Variants in PPP2R1B observed in about 807,000 individuals in gnomAD.
PPP2R1B encodes the protein protein phosphatase 2 scaffold subunit Abeta.
A neutral mutation model predicts 72.7 loss-of-function variants in PPP2R1B; 58 were observed. The ratio of observed to expected loss-of-function variants is 0.80; its 90% CI spans 0.65 to 0.99. The LOEUF (loss-of-function observed/expected upper bound fraction) is 0.99, where lower values mean the gene tolerates loss of function less well. Among genes scored for constraint, PPP2R1B ranks in the 50% least tolerant of loss-of-function variants. The pLI is 0.00. For missense variants in PPP2R1B, 695 were observed against 733.6 expected, an observed-to-expected ratio of 0.95 and a Z score of 0.61; for synonymous variants, 256 against 264.6, an observed-to-expected ratio of 0.97 and a Z score of 0.32.
chr11:111,732,701 T>C (rs757048230), intron 15 of PPP2R1B, among the ~76,000 whole-genome samples: 16 of 151,900 alleles, frequency 1.1e-4, no homozygotes, highest in African/African-American at 2.9e-4. Flanking sequence ...AAAAAACAAA[T>C]AAACAAACAA....
intron 15 of PPP2R1B, chr11:111,729,005 A>G (rs1944088450): frequency 6.6e-6 from 1 of 152,034 alleles, no homozygotes; most frequent in Non-Finnish European, 1.5e-5. Flanking sequence ...AGTTTCTATC[A>G]TCTCCCTTCT....
chr11:111,688,872 A>G, the PPP2R1B span, among the ~76,000 whole-genome samples: 1 of 152,250 alleles, frequency 6.6e-6, no homozygotes, highest in African/African-American at 2.4e-5. The surrounding 1 kb of genome is among the most constrained non-coding windows in gnomAD (Gnocchi z 4.2). Flanking sequence ...CACCTTGAAT[A>G]TACACAATTT....
chr11:111,693,487 G>C, the PPP2R1B span, among the ~76,000 whole-genome samples: 1 of 152,228 alleles, frequency 6.6e-6, no homozygotes, highest in African/African-American at 2.4e-5. Flanking sequence ...GCTTTCAGTA[G>C]TTTTAGTAAT....
At chr11:111,759,129 C>T (rs940028170) in intron 5 of PPP2R1B, among the ~76,000 whole-genome samples, 1 of 152,174 alleles carries the variant, frequency 6.6e-6, no homozygotes, top group Non-Finnish European at 1.5e-5. Flanking sequence ...CACCTAGATT[C>T]AAATTCTGAC....
chr11:111,712,488 A>G, the PPP2R1B span: 7 of 1,114,044 alleles, frequency 6.3e-6, no homozygotes, highest in East Asian at 1.8e-4. Flanking sequence ...TAAGTCACTC[A>G]GGAGTGATGC....
At chr11:111,705,244 C>T in the PPP2R1B span, 5 of 1,206,630 alleles carry the variant, frequency 4.1e-6, no homozygotes, top group Admixed American at 4.0e-5. The surrounding 1 kb of genome is among the most constrained non-coding windows in gnomAD (Gnocchi z 4.3). Context: ...CTCTACACTC[C>T]GTTTTTCTGT....
At chr11:111,749,968 T>G (rs1944842339) in intron 10 of PPP2R1B, among the ~76,000 whole-genome samples, 2 of 152,178 alleles carry the variant, frequency 1.3e-5, no homozygotes, top group South Asian at 4.1e-4. Context: ...AGTTAATCAC[T>G]GCTCCTCTCC....
Position 111,740,660 on chromosome 11 carries a change from A to G in PPP2R1B, c.*936T>C, listed in dbSNP as rs1262923602. ...CCAGTATCACCCATACTAAAAACTT[A>G]GCAATAAAACTGCAGTTTGAAAAGC... On this transcript the variant is annotated 3_prime_UTR_variant, in exon 15 of 15. Coordinates refer to ENST00000527614, the MANE Select transcript of PPP2R1B (RefSeq NM_002716.5). The G allele has an allele frequency of 2.0e-6, 2 of 985,236 alleles. No homozygotes were observed. Among genetic ancestry groups the G allele is most frequent in the Admixed American group, 1.2e-4 (2 of 16,264 alleles). 61.0% of individuals were successfully genotyped at this position (985,236 alleles called of 1,614,324 possible).
chr11:111,758,725 T>C (rs1945220121), intron 5 of PPP2R1B, among the ~76,000 whole-genome samples: 1 of 152,146 alleles, frequency 6.6e-6, no homozygotes, highest in Admixed American at 6.6e-5. Flanking sequence ...TGAAAGGGAA[T>C]CCATGGAGGG....
intron 11 of PPP2R1B, among the ~76,000 whole-genome samples, chr11:111,744,598 G>T (rs975579920): frequency 2.6e-5 from 4 of 152,074 alleles, no homozygotes; most frequent in Admixed American, 6.6e-5. Context: ...CAAAATTTGG[G>T]CTCAGATTAA....
downstream of PPP2R1B, chr11:111,723,991 C>G (rs1423850663): frequency 6.2e-7 from 1 of 1,614,214 alleles, no homozygotes; most frequent in Admixed American, 1.7e-5. Flanking sequence ...CGGGGCCAGA[C>G]TGTCCCAGAA....
At chr11:111,730,424 G>A (rs1050302151) in intron 15 of PPP2R1B, 1 of 152,160 alleles carries the variant, frequency 6.6e-6, no homozygotes, top group Non-Finnish European at 1.5e-5. Flanking sequence ...GCTTCACTTC[G>A]GGGACTGCAG....
intron 11 of PPP2R1B, among the ~76,000 whole-genome samples, chr11:111,747,702 GA>G (rs1331958286): frequency 6.6e-6 from 1 of 152,216 alleles, no homozygotes; most frequent in Non-Finnish European, 1.5e-5. Flanking sequence ...GAGATGGTCT[GA>G]AGATAATGTA....
chr11:111,706,778 G>A, the PPP2R1B span, among the ~76,000 whole-genome samples: 1 of 151,916 alleles, frequency 6.6e-6, no homozygotes, highest in African/African-American at 2.4e-5. Flanking sequence ...TGGCCAACAT[G>A]GTGAAACCCC....
At chr11:111,742,178 T>C in intron 13 of PPP2R1B, 34 bp from the exon 14 acceptor site, 1 of 1,514,310 alleles carries the variant, frequency 6.6e-7, no homozygotes, top group Non-Finnish European at 9.2e-7. Context: ...TGAAAGACAG[T>C]CTAATGGGCC....
intron 15 of PPP2R1B, chr11:111,730,920 A>AT (rs1206750725): frequency 2.0e-5 from 3 of 152,164 alleles, no homozygotes; most frequent in African/African-American, 7.2e-5. Flanking sequence ...CTTGGGTGGA[A>AT]TTTTTAGAGT....
At chr11:111,708,379 C>T in the PPP2R1B span, among the ~76,000 whole-genome samples, 1 of 151,698 alleles carries the variant, frequency 6.6e-6, no homozygotes, top group Non-Finnish European at 1.5e-5. Flanking sequence ...GAGGTTCTGT[C>T]CCAAAAAGTA....
intron 3 of PPP2R1B, 162 bp from the exon 4 acceptor site, chr11:111,761,213 T>C (rs1384112056): frequency 8.1e-6 from 6 of 741,450 alleles, no homozygotes; most frequent in Non-Finnish European, 1.4e-5. Context: ...TGATAACATA[T>C]GGTGCGGCCA....
Position 111,740,400 on chromosome 11 carries a change from A to T in PPP2R1B, c.*1196T>A. 1 of 936,654 alleles carries T rather than the reference A, an allele frequency of 1.1e-6. No homozygotes were observed. The highest frequency in any genetic ancestry group is 1.3e-6 in the Non-Finnish European group (1 of 785,816). The allele number at this position is 936,654 out of a possible 1,614,324, so 58.0% of individuals were successfully genotyped here. A position where few individuals can be genotyped will look rare whatever the true frequency, so the allele number is the denominator to read the frequency against. On this transcript the variant is annotated 3_prime_UTR_variant, in exon 15 of 15. Coordinates refer to ENST00000527614, the MANE Select transcript of PPP2R1B (RefSeq NM_002716.5). ...GCCCAGCTAACTTTTTTGTATTTTT[A>T]GTAGAGATGGGGTTTCACCATGTTG... is the stretch of plus-strand genomic sequence containing the variant.
Sources: gnomAD v4.1 joint callset for allele counts (sites outside exome capture counted in the v4.1 genomes callset) on GRCh38, gnomAD v4.1.1 for gene constraint, Gnocchi (gnomAD v3.1) non-coding constraint, MANE v1.5 for transcripts, NCBI Gene and HGNC (gene_info 2026-07-23, HGNC 2026-07-21) for gene names.